Variants in TSNARE1 observed in about 807,000 individuals in gnomAD.
TSNARE1 encodes t-SNARE domain containing 1.
TSNARE1 carries 49 observed loss-of-function variants against 62.0 expected under a neutral mutation model. The ratio of observed to expected loss-of-function variants is 0.79; its 90% CI spans 0.63 to 1.00. TSNARE1 has a LOEUF of 1.00. Ranked by LOEUF, TSNARE1 falls within the 50% of genes least tolerant of loss-of-function variation. TSNARE1 has a pLI of 0.00. For missense variants in TSNARE1, 755 were observed against 700.1 expected (o/e 1.08, Z -0.88); for synonymous variants, 328 against 294.4 (o/e 1.11, Z -1.17).
At chr8:142,236,709 C>A (rs1176251060) in intron 12 of TSNARE1, among the ~76,000 whole-genome samples, 2 of 152,232 alleles carry the variant, frequency 1.3e-5, no homozygotes, top group Non-Finnish European at 2.9e-5. Context: ...CCTCTTCCCA[C>A]CCTCCCTGAG....
chr8:142,307,024 C>T (rs374946633), intron 9 of TSNARE1, among the ~76,000 whole-genome samples: 19 of 152,188 alleles, frequency 1.2e-4, no homozygotes, highest in African/African-American at 4.1e-4. Context: ...ACCAGTGGGG[C>T]CTGGTTCTGA....
At chr8:142,333,091 G>C (rs1160831395) in intron 4 of TSNARE1, among the ~76,000 whole-genome samples, 8 of 152,346 alleles carry the variant, frequency 5.3e-5, no homozygotes, top group African/African-American at 1.4e-4. Flanking sequence ...GCCAGGCTGG[G>C]GAACTGGGGC....
At chr8:142,226,722 C>A (rs187015244) in intron 13 of TSNARE1, among the ~76,000 whole-genome samples, 1 of 152,258 alleles carries the variant, frequency 6.6e-6, no homozygotes, top group African/African-American at 2.4e-5. Context: ...CAGGGCAGGA[C>A]CTCCAGACAG....
At chr8:142,239,260 CT>C (rs1361049921) in intron 12 of TSNARE1, among the ~76,000 whole-genome samples, 2 of 152,234 alleles carry the variant, frequency 1.3e-5, no homozygotes, top group Non-Finnish European at 2.9e-5. Context: ...GCAGACACCC[CT>C]CCTTTCTGCA....
intron 7 of TSNARE1, among the ~76,000 whole-genome samples, chr8:142,315,781 GGA>G (rs1828434133): frequency 1.3e-5 from 2 of 152,238 alleles, no homozygotes; most frequent in Admixed American, 1.3e-4. Flanking sequence ...TCGGAGGATT[GGA>G]GAGAGCCAAG....
intron 12 of TSNARE1, among the ~76,000 whole-genome samples, chr8:142,234,907 C>T (rs943284056): frequency 1.3e-5 from 2 of 151,964 alleles, no homozygotes; most frequent in African/African-American, 4.8e-5. Context: ...GTCCCCTTGT[C>T]CCCCGCAACA....
chr8:142,257,817 G>A (rs1397495270), intron 12 of TSNARE1, among the ~76,000 whole-genome samples: 6 of 152,190 alleles, frequency 3.9e-5, no homozygotes, highest in South Asian at 4.2e-4. Context: ...AGCCGCCTCC[G>A]GGAGAAGCCC....
chr8:142,382,505 C>T (rs533884188), intron 1 of TSNARE1, among the ~76,000 whole-genome samples: 29 of 152,278 alleles, frequency 1.9e-4, no homozygotes, highest in African/African-American at 5.1e-4. Context: ...CTGAGTCATG[C>T]GGGCAGGGGG....
intron 13 of TSNARE1, among the ~76,000 whole-genome samples, chr8:142,217,393 A>G (rs1316100524): frequency 6.6e-6 from 1 of 152,034 alleles, no homozygotes; most frequent in Non-Finnish European, 1.5e-5. Context: ...AGAAAGAAAA[A>G]GCAAGCAAGC....
At position 142,312,463 on chromosome 8, in the gene TSNARE1, C is replaced by T. The variant is rs1450673360; in HGVS notation, c.1131+1921G>A. ...AACATAGACATGATTCCAGGCTATA[C>T]TTTAGGTTTGGTTGGTCAGGGCTGG... On this transcript the variant is annotated intron_variant, in intron 9 of 13. Transcript: ENST00000524325. 3.3e-5 allele frequency among the ~76,000 whole-genome samples: 5 copies of T among 152,106 alleles called. No individual in the cohort carries two copies. The East Asian group carries it at 9.6e-4, about 29-fold the overall frequency.
intron 1 of TSNARE1, among the ~76,000 whole-genome samples, chr8:142,386,896 A>G (rs61596454): frequency 0.023 from 3,579 of 152,364 alleles, 49 homozygotes; most frequent in East Asian, 0.047. Flanking sequence ...TCCACAACAG[A>G]GCAAGAGACA....
At chr8:142,273,582 C>T (rs920246457) in intron 12 of TSNARE1, 1 of 985,288 alleles carries the variant, frequency 1.0e-6, no homozygotes, top group African/African-American at 1.7e-5. Context: ...GCCTGGCGTT[C>T]ACCAGCTGTC....
intron 4 of TSNARE1, among the ~76,000 whole-genome samples, chr8:142,334,458 C>T (rs1021155882): frequency 6.6e-6 from 1 of 151,270 alleles, no homozygotes; most frequent in African/African-American, 2.4e-5. Context: ...TGCTCAAGGT[C>T]ACAGGCCAGT....
At chr8:142,359,880 C>T (rs945781075) in intron 1 of TSNARE1, among the ~76,000 whole-genome samples, 7 of 152,238 alleles carry the variant, frequency 4.6e-5, no homozygotes, top group African/African-American at 1.7e-4. Context: ...AGCAGGAGCA[C>T]ACTGCCAATC....
chr8:142,345,954 G>A (rs995704070), intron 2 of TSNARE1, 62 bp from the exon 3 acceptor site: 27 of 1,566,840 alleles, frequency 1.7e-5, no homozygotes, highest in Non-Finnish European at 2.3e-5. Context: ...GCAGTGCCAG[G>A]CCCCCATGCA....
chr8:142,374,972 T>C (rs1563998737), intron 1 of TSNARE1, among the ~76,000 whole-genome samples: 1 of 152,166 alleles, frequency 6.6e-6, no homozygotes, highest in African/African-American at 2.4e-5. Context: ...CAAGCACCAT[T>C]AGTTCCTGTC....
intron 12 of TSNARE1, among the ~76,000 whole-genome samples, chr8:142,259,384 G>A (rs1484951706): frequency 6.6e-6 from 1 of 152,178 alleles, no homozygotes; most frequent in Non-Finnish European, 1.5e-5. Context: ...CGGTTTCTGG[G>A]GTCCCAGGCC....
intron 12 of TSNARE1, chr8:142,271,390 G>A (rs1301464826): frequency 4.9e-5 from 60 of 1,231,670 alleles, no homozygotes; most frequent in Admixed American, 8.6e-5. Flanking sequence ...ACAGCAGGGC[G>A]CCCTGCTGCC....
intron 12 of TSNARE1, chr8:142,270,344 A>G: frequency 4.1e-6 from 4 of 985,458 alleles, no homozygotes; most frequent in Non-Finnish European, 4.8e-6. Context: ...AGCAGGCTCC[A>G]ACTCACGTGC....
Sources: allele counts gnomAD v4.1 joint callset (sites outside exome capture counted in the v4.1 genomes callset), GRCh38; gene constraint gnomAD v4.1.1; transcripts MANE v1.5; gene names NCBI Gene and HGNC (gene_info 2026-07-23, HGNC 2026-07-21).